The following BTBD2 variants were observed in gnomAD, a reference collection of about 807,000 sequenced individuals.
BTBD2 encodes the protein BTB domain containing 2.
In BTBD2, 15 loss-of-function variants were observed where a neutral mutation model predicts 44.0. That is an observed-to-expected ratio of 0.34 (90% CI 0.23 to 0.53). The LOEUF (loss-of-function observed/expected upper bound fraction) is 0.53. Ranked by LOEUF, BTBD2 falls within the 20% of genes least tolerant of loss-of-function variation. BTBD2 has a pLI of 0.95. For synonymous variants in BTBD2, 443 were observed against 335.9 expected (o/e 1.32, Z -3.49); for missense variants, 657 against 746.4 (o/e 0.88, Z 1.39).
intron 3 of BTBD2, among the ~76,000 whole-genome samples, chr19:1,991,452 G>A (rs2145623784): frequency 6.6e-6 from 1 of 152,360 alleles, no homozygotes; most frequent in East Asian, 1.9e-4. Flanking sequence ...TGGGTTCGTA[G>A]TGGTTTTAGG....
At chr19:1,992,287 A>G (rs989036841) in intron 3 of BTBD2, among the ~76,000 whole-genome samples, 3 of 151,942 alleles carry the variant, frequency 2.0e-5, no homozygotes, top group African/African-American at 7.2e-5. Flanking sequence ...TTTAGTAGAG[A>G]TGAGGTTTCA....
chr19:1,986,875 C>G lies in BTBD2; in HGVS notation c.1371G>C (p.Val457=). 1 of 1,612,846 alleles carries G rather than the reference C, an allele frequency of 6.2e-7. No individual in the cohort carries two copies. The highest frequency in any genetic ancestry group is 2.2e-5 in the East Asian group (1 of 44,872). ...STFRVMFKEP[V]EVLPNVNYTA... The stretch of plus-strand genomic sequence containing the variant: ...TGTAGTTGACGTTGGGCAGCACCTC[C>G]ACCGGCTCCTTGAACATGACGCGGA... The change falls in exon 8 of 9, where the codon GTG becomes GTC. Residue 457 remains valine, a synonymous_variant. Coordinates refer to ENST00000255608, the MANE Select transcript of BTBD2 (RefSeq NM_017797.4).
chr19:1,987,236 C>T lies in BTBD2; in HGVS notation c.1199G>A (p.Arg400His), dbSNP rs753897181. 5.6e-6 allele frequency: 9 copies of T among 1,613,654 alleles called. No individual in the cohort carries two copies. Among genetic ancestry groups the T allele is most frequent in the East Asian group, 2.2e-5 (1 of 44,892 alleles). ...SDRIRFSVNK[R>H]IFVVGFGLYG... ...CAGCCCAAATCCCACCACGAAGATG[C>T]GCTTGTTGACTGAGAACCTGCCGTG... The change falls in exon 7 of 9, where the codon CGC becomes CAC. Residue 400 changes from arginine (R) to histidine (H), a missense_variant. Transcript: ENST00000255608.
At position 2,015,363 on chromosome 19, in the gene BTBD2, T is replaced by C. The variant is rs1269360292; in HGVS notation, c.341A>G (p.Glu114Gly). The C allele has an allele frequency of 1.9e-6, 3 of 1,585,216 alleles. No individual in the cohort carries two copies. The highest frequency in any genetic ancestry group is 2.6e-6 in the Non-Finnish European group (3 of 1,173,070). Residue 114 changes from glutamate to glycine, a missense_variant, in exon 1 of 9, where the codon GAG (glutamate) becomes GGG (glycine). By Grantham distance (98) the Glu-to-Gly change is moderately conservative (BLOSUM62 -2). Around this residue, in one of 3 missense-constraint regions of BTBD2, gnomAD observed 191 missense variants for 188.5 expected, o/e 1.01. Transcript: ENST00000255608. ...QERFAFLFNN[E>G]VLCDVHFLVG... ...CAGGAAGTGCACGTCGCACAGCACC[T>C]CGTTGTTGAAGAGGAAGGCGAAGCG...
chr19:1,994,628 G>A (rs953493892), intron 2 of BTBD2, among the ~76,000 whole-genome samples: 1 of 151,732 alleles, frequency 6.6e-6, no homozygotes, highest in South Asian at 2.1e-4. Flanking sequence ...GCGTGGTGGC[G>A]TGTGCCTGTA....
rs537395390 is a variant in BTBD2 at position 2,009,487 on chromosome 19, C to T, written c.407+5810G>A. Among the ~76,000 whole-genome samples the T allele has an allele frequency of 7.9e-5, 12 of 151,928 alleles. 1 individual carries two copies. The South Asian group carries it at 2.5e-3, about 32-fold the overall frequency. The stretch of plus-strand genomic sequence containing the variant: ...TGCTGGGATTACAGGCGTGAGCCAC[C>T]ACACCCACCCAGATTGTTCTACTTC... On this transcript the variant is annotated intron_variant, in intron 1 of 8. Coordinates refer to ENST00000255608, the MANE Select transcript of BTBD2 (RefSeq NM_017797.4).
chr19:1,986,417 C>G lies in BTBD2; in HGVS notation c.*71G>C, dbSNP rs2016082137. 2.5e-6 allele frequency: 4 copies of G among 1,585,508 alleles called. No individual in the cohort carries two copies. The Admixed American group carries it at 6.8e-5, about 27-fold the overall frequency. On this transcript the variant is annotated 3_prime_UTR_variant, in exon 9 of 9. Coordinates refer to ENST00000255608, the MANE Select transcript of BTBD2 (RefSeq NM_017797.4). ...GCCTGGCACCGCGTGGTGGGGGGGC[C>G]CCAGCAGCAGATGATGGCCTGGGGC... is the stretch of plus-strand genomic sequence containing the variant.
At chr19:2,007,601 C>T (rs1358539259) in intron 1 of BTBD2, among the ~76,000 whole-genome samples, 2 of 152,092 alleles carry the variant, frequency 1.3e-5, no homozygotes, top group African/African-American at 2.4e-5. Flanking sequence ...TTTGGGAGGC[C>T]GGGGATAGCC....
rs2016262393 is a variant in BTBD2 at position 1,997,202 on chromosome 19, C to CTGGAACCCCTCAT, written c.527+129_527+141dup. 35 of 1,285,656 alleles carry CTGGAACCCCTCAT rather than the reference C, an allele frequency of 2.7e-5. 1 individual carries two copies. In the South Asian group the frequency reaches 5.0e-4, roughly 18 times the overall value. 79.6% of individuals were successfully genotyped at this position (1,285,656 alleles called of 1,614,324 possible). On this transcript the variant is annotated intron_variant, in intron 2 of 8. Transcript: ENST00000255608. ...CTCAAAAAGAAAAAAAAAAGTGCCT[C>CTGGAACCCCTCAT]TGGAACCCCTCATTGCACAGGAACG...
intron 5 of BTBD2, 44 bp downstream of exon 5, chr19:1,989,960 G>A (rs1278871063): frequency 3.1e-6 from 5 of 1,603,502 alleles, no homozygotes; most frequent in Admixed American, 1.7e-5. Context: ...CCACCTGTGT[G>A]CCACTCCCCT....
chr19:1,997,942 A>G (rs991746731), intron 1 of BTBD2, among the ~76,000 whole-genome samples: 1 of 152,078 alleles, frequency 6.6e-6, no homozygotes, highest in African/African-American at 2.4e-5. Flanking sequence ...ATGTACATTC[A>G]CTCAACTCAT....
At chr19:2,010,230 AG>A (rs2016447232) in intron 1 of BTBD2, among the ~76,000 whole-genome samples, 1 of 152,220 alleles carries the variant, frequency 6.6e-6, no homozygotes, top group Admixed American at 6.5e-5. Flanking sequence ...GCAACCCTGG[AG>A]ATCTTCAGTT....
intron 1 of BTBD2, among the ~76,000 whole-genome samples, chr19:2,009,835 G>A (rs922102264): frequency 6.6e-6 from 1 of 151,074 alleles, no homozygotes; most frequent in Admixed American, 6.6e-5. Flanking sequence ...GGGCAATAGA[G>A]CAAGATTCTG....
intron 1 of BTBD2, among the ~76,000 whole-genome samples, chr19:2,011,707 T>TCCTGCCTCC (rs1300213229): frequency 1.3e-5 from 2 of 152,088 alleles, no homozygotes; most frequent in Non-Finnish European, 2.9e-5. Flanking sequence ...TGCCGGCCTC[T>TCCTGCCTCC]CCTGCCTCCC....
intron 1 of BTBD2, among the ~76,000 whole-genome samples, chr19:1,999,086 A>G (rs2016290668): frequency 6.6e-6 from 1 of 152,032 alleles, no homozygotes; most frequent in South Asian, 2.1e-4. Flanking sequence ...CTCCCGGGAA[A>G]GCCCCCGTCT....
chr19:1,987,398 C>A (rs1276781552), intron 6 of BTBD2, 102 bp downstream of exon 6: 4 of 1,297,646 alleles, frequency 3.1e-6, no homozygotes, highest in Non-Finnish European at 4.1e-6. Flanking sequence ...CCGTCTTCAT[C>A]ATCCCTGAGT....
At chr19:1,995,175 C>A (rs2016233817) in intron 2 of BTBD2, among the ~76,000 whole-genome samples, 7 of 151,900 alleles carry the variant, frequency 4.6e-5, no homozygotes, top group Non-Finnish European at 1.5e-5. Context: ...CCTTGTTGCC[C>A]AGGCTGGTCT....
rs537842745 is a variant in BTBD2 at position 1,986,433 on chromosome 19, G to A, written c.*55C>T. The stretch of plus-strand genomic sequence containing the variant: ...TGGGGGGGCCCCAGCAGCAGATGAT[G>A]GCCTGGGGCTGCGGCTATCCCCACG... On this transcript the variant is annotated 3_prime_UTR_variant, in exon 9 of 9. Coordinates refer to ENST00000255608, the MANE Select transcript of BTBD2 (RefSeq NM_017797.4). 790 of 1,597,198 alleles carry A rather than the reference G, an allele frequency of 4.9e-4. 4 individuals carry two copies. The African/African-American group carries it at 9.0e-3, about 18-fold the overall frequency.
At chr19:2,008,239 G>A (rs1453514475) in intron 1 of BTBD2, among the ~76,000 whole-genome samples, 1 of 151,746 alleles carries the variant, frequency 6.6e-6, no homozygotes, top group East Asian at 1.9e-4. Flanking sequence ...CCTGACCTCA[G>A]GTGATCCGCC....
Sources: gnomAD v4.1 joint callset for allele counts (sites outside exome capture counted in the v4.1 genomes callset) on GRCh38, gnomAD v4.1.1 for gene constraint, gnomAD v4.1.1 regional missense constraint, MANE v1.5 for transcripts, NCBI Gene and HGNC (gene_info 2026-07-23, HGNC 2026-07-21) for gene names.